Variants in PAPSS2 observed in about 807,000 individuals in gnomAD.
The protein encoded by PAPSS2 is 3'-phosphoadenosine 5'-phosphosulfate synthase 2, also known as bifunctional 3'-phosphoadenosine 5'-phosphosulfate synthase 2.
PAPSS2 carries 61 observed loss-of-function variants against 66.5 expected under a neutral mutation model. The ratio of observed to expected loss-of-function variants is 0.92; its 90% CI spans 0.75 to 1.14. The LOEUF (loss-of-function observed/expected upper bound fraction) is 1.14, where lower values mean the gene tolerates loss of function less well. Ranked by LOEUF, PAPSS2 falls within the 50% of genes most tolerant of loss-of-function variation. The probability of loss-of-function intolerance (pLI) is 0.00; values close to 1 mark genes in which losing one functional copy is unlikely to be tolerated. For missense variants in PAPSS2, 708 were observed against 789.6 expected (o/e 0.90, Z 1.24); for synonymous variants, 289 against 287.5 (o/e 1.01, Z -0.05).
chr10:87,741,633 G>A (rs2131729952), intron 10 of PAPSS2, among the ~76,000 whole-genome samples: 1 of 152,282 alleles, frequency 6.6e-6, no homozygotes, highest in East Asian at 1.9e-4. Flanking sequence ...GACCTCAGGT[G>A]ATCCCCCTAC....
intron 7 of PAPSS2, among the ~76,000 whole-genome samples, chr10:87,720,965 T>G (rs554841780): frequency 5.3e-5 from 8 of 152,330 alleles, no homozygotes; most frequent in African/African-American, 1.9e-4. Context: ...TGTTGACTGA[T>G]GGCATCCAAG....
At chr10:87,722,764 T>G (rs999236384) in intron 8 of PAPSS2, among the ~76,000 whole-genome samples, 4 of 152,208 alleles carry the variant, frequency 2.6e-5, no homozygotes, top group African/African-American at 9.6e-5. Context: ...GTTTATATAT[T>G]AGAAAGGTTG....
intron 1 of PAPSS2, among the ~76,000 whole-genome samples, chr10:87,666,382 A>G (rs981683428): frequency 6.6e-6 from 1 of 152,238 alleles, no homozygotes; most frequent in Non-Finnish European, 1.5e-5. Context: ...TACCCTTTCT[A>G]GATTCCTGTG....
At chr10:87,711,364 A>G (rs1589433952) in intron 2 of PAPSS2, among the ~76,000 whole-genome samples, 2 of 152,378 alleles carry the variant, frequency 1.3e-5, no homozygotes, top group East Asian at 3.9e-4. Flanking sequence ...GTATGAAAGT[A>G]CGTGTGCCAA....
Position 87,667,935 on chromosome 10 carries a change from C to G in PAPSS2, c.27+7927C>G, listed in dbSNP as rs149945651. 4.6e-5 allele frequency among the ~76,000 whole-genome samples: 7 copies of G among 152,266 alleles called. No homozygotes were observed. The East Asian group carries it at 1.3e-3, about 29-fold the overall frequency. On this transcript the variant is annotated intron_variant, in intron 1 of 12. Coordinates refer to ENST00000456849, the MANE Select transcript of PAPSS2 (RefSeq NM_001015880.2). ...TATTATGAAAAGTATTGATTTTTAT[C>G]CACCAAGCATCTATATCCAGTCTCA...
chr10:87,725,884 T>TACACACACACACACACACACACAC lies in PAPSS2; in HGVS notation c.881-1392_881-1369dup, dbSNP rs60791274. On this transcript the variant is annotated intron_variant, in intron 8 of 12. Transcript: ENST00000456849. ...CTAATTTAAAAAAAATATGTGTGTATACACACACACACACACACACACACA... is the reference window on the plus strand; with the variant it reads ...CTAATTTAAAAAAAATATGTGTGTATACACACACACACACACACACACACACACACACACACACACACACACACA... Among the ~76,000 whole-genome samples, 619 of 140,434 alleles carry TACACACACACACACACACACACAC rather than the reference T, an allele frequency of 4.4e-3. 1 individual carries two copies. Among genetic ancestry groups the TACACACACACACACACACACACAC allele is most frequent in the African/African-American group, 8.6e-3 (317 of 36,906 alleles). The allele number at this position is 140,434 out of a possible 152,430, so 92.1% of individuals were successfully genotyped here.
chr10:87,697,591 C>T (rs1451091225), intron 1 of PAPSS2, among the ~76,000 whole-genome samples: 1 of 152,184 alleles, frequency 6.6e-6, no homozygotes, highest in East Asian at 1.9e-4. Context: ...CAAGCAATTT[C>T]ACTAAGAGGC....
rs1484943924 is a variant in PAPSS2, at chr10:87,733,118, G to A, written c.1086+5629G>A. Among the ~76,000 whole-genome samples, 6 of 152,178 alleles carry A rather than the reference G, an allele frequency of 3.9e-5. No individual in the cohort carries two copies. The East Asian group carries it at 9.6e-4, about 24-fold the overall frequency. On this transcript the variant is annotated intron_variant, in intron 9 of 12. Transcript: ENST00000456849. Reference sequence around the variant, plus strand: ...TTTTAGAACCCCACAGCTTCCAAAAGTAATTACTTCTGCGGGAATCCTGGG... The same window carrying A: ...TTTTAGAACCCCACAGCTTCCAAAAATAATTACTTCTGCGGGAATCCTGGG...
chr10:87,745,153 C>T lies in PAPSS2; in HGVS notation c.1643C>T (p.Thr548Ile). ...GKVLSMAPGLTSVEIIPFRVA... is the reference protein window; with the variant it reads ...GKVLSMAPGLISVEIIPFRVA... The stretch of plus-strand genomic sequence containing the variant: ...GTCTTGAGCATGGCCCCTGGCCTCA[C>T]CTCTGTGGAAATCATTCCATTCCGA... The change falls in exon 12 of 13, where the codon ACC (threonine) becomes ATC (isoleucine). Residue 548 changes from threonine to isoleucine, a missense_variant. Physicochemically the swap from Thr to Ile is moderately conservative, Grantham distance 89. Coordinates refer to ENST00000456849, the MANE Select transcript of PAPSS2 (RefSeq NM_001015880.2). The T allele has an allele frequency of 1.2e-6, 2 of 1,614,156 alleles. No homozygotes were observed. Among genetic ancestry groups the T allele is most frequent in the Non-Finnish European group, 1.7e-6 (2 of 1,180,006 alleles).
At chr10:87,662,965 G>A (rs1415572675) in intron 1 of PAPSS2, among the ~76,000 whole-genome samples, 2 of 148,892 alleles carry the variant, frequency 1.3e-5, no homozygotes, top group East Asian at 2.0e-4. Flanking sequence ...TGCAACCTCC[G>A]CCTCCCGGGT....
chr10:87,680,686 G>A (rs1359105255), intron 1 of PAPSS2, among the ~76,000 whole-genome samples: 1 of 151,986 alleles, frequency 6.6e-6, no homozygotes, highest in Non-Finnish European at 1.5e-5. Flanking sequence ...GTAGTATTCT[G>A]TTTTCTAATC....
At chr10:87,704,138 G>A (rs1301216217) in intron 1 of PAPSS2, 2 of 420,204 alleles carry the variant, frequency 4.8e-6, no homozygotes, top group African/African-American at 2.1e-5. Context: ...GGGTGATTTT[G>A]AAATAAATAG....
intron 1 of PAPSS2, among the ~76,000 whole-genome samples, chr10:87,684,349 T>C (rs1463499032): frequency 6.6e-6 from 1 of 152,214 alleles, no homozygotes; most frequent in Non-Finnish European, 1.5e-5. Flanking sequence ...GGCCATGCCA[T>C]TATTCTTTCA....
At chr10:87,661,575 T>C (rs1852753179) in intron 1 of PAPSS2, among the ~76,000 whole-genome samples, 1 of 152,100 alleles carries the variant, frequency 6.6e-6, no homozygotes, top group Non-Finnish European at 1.5e-5. Context: ...TGGGGGACTT[T>C]GTCAAGCATT....
intron 9 of PAPSS2, among the ~76,000 whole-genome samples, chr10:87,739,368 T>C (rs1247044636): frequency 1.3e-5 from 2 of 152,260 alleles, no homozygotes; most frequent in Non-Finnish European, 2.9e-5. Context: ...TGAATTTGGC[T>C]ACATTTTGCT....
At chr10:87,679,340 A>T (rs1274693563) in intron 1 of PAPSS2, among the ~76,000 whole-genome samples, 1 of 152,214 alleles carries the variant, frequency 6.6e-6, no homozygotes, top group Non-Finnish European at 1.5e-5. Context: ...ATTAGATAAA[A>T]GTTATAATAA....
At chr10:87,740,946 T>C (rs184040756) in intron 9 of PAPSS2, among the ~76,000 whole-genome samples, 1 of 152,220 alleles carries the variant, frequency 6.6e-6, no homozygotes, top group Admixed American at 6.5e-5. Context: ...TAGCTTTAGA[T>C]GGATTGATAA....
At chr10:87,732,064 T>A (rs1853736829) in intron 9 of PAPSS2, among the ~76,000 whole-genome samples, 1 of 152,190 alleles carries the variant, frequency 6.6e-6, no homozygotes, top group Non-Finnish European at 1.5e-5. Flanking sequence ...AGTCAATTGA[T>A]ATGACCAACT....
At chr10:87,706,268 C>T (rs939234548) in intron 1 of PAPSS2, among the ~76,000 whole-genome samples, 1 of 150,664 alleles carries the variant, frequency 6.6e-6, no homozygotes, top group Non-Finnish European at 1.5e-5. Context: ...TTCAGATTGC[C>T]ACTGGCACTG....
Sources: gnomAD v4.1 joint callset for allele counts (sites outside exome capture counted in the v4.1 genomes callset) on GRCh38, gnomAD v4.1.1 for gene constraint, MANE v1.5 for transcripts, NCBI Gene and HGNC (gene_info 2026-07-23, HGNC 2026-07-21) for gene names.